The following KRT17 variants were observed in gnomAD, a reference collection of about 807,000 sequenced individuals.
KRT17 encodes keratin, type I cytoskeletal 17.
In KRT17, 29 loss-of-function variants were observed where a neutral mutation model predicts 45.6. The ratio of observed to expected loss-of-function variants is 0.64; its 90% confidence interval spans 0.47 to 0.87. The LOEUF (loss-of-function observed/expected upper bound fraction) is 0.87. Ranked by LOEUF, KRT17 falls within the 40% of genes least tolerant of loss-of-function variation. KRT17 has a pLI of 0.00. For synonymous variants in KRT17, 219 were observed against 234.6 expected, an observed-to-expected ratio of 0.93 and a Z score of 0.61; for missense variants, 536 against 577.8, an observed-to-expected ratio of 0.93 and a Z score of 0.74.
intron 3 of KRT17, 159 bp downstream of exon 3, chr17:41,622,196 G>A: frequency 1.1e-6 from 1 of 925,898 alleles, no homozygotes; most frequent in Non-Finnish European, 1.7e-6. Flanking sequence ...CTGCACACTG[G>A]ACCCCAAGGA....
In KRT17 at chr17:41,620,154, T is replaced by C. The variant is rs374988172; in HGVS notation, c.1204+382A>G. Reference sequence around the variant, plus strand: ...TGGAATTTGGAGGACAAGGACCATGTCCCTATCTCCCATCAGGCTACAGAC... The same window carrying C: ...TGGAATTTGGAGGACAAGGACCATGCCCCTATCTCCCATCAGGCTACAGAC... On this transcript the variant is annotated intron_variant, in intron 7 of 7. Coordinates refer to ENST00000311208, the MANE Select transcript of KRT17 (RefSeq NM_000422.3). 5 of 985,382 alleles carry C rather than the reference T, an allele frequency of 5.1e-6. No homozygotes were observed. The South Asian group carries it at 1.9e-4, about 37-fold the overall frequency. The allele number at this position is 985,382 out of a possible 1,614,324, so 61.0% of individuals were successfully genotyped here.
chr17:41,621,012 C>T lies in KRT17; in HGVS notation c.914G>A (p.Arg305His), dbSNP rs1426722207. The T allele has an allele frequency of 2.5e-6, 4 of 1,614,024 alleles. No individual in the cohort carries two copies. The highest frequency in any genetic ancestry group is 1.3e-5 in the African/African-American group (1 of 74,906). Residue 305 changes from arginine to histidine, a missense_variant, in exon 5 of 8, where the codon CGC (arginine) becomes CAC (histidine). Coordinates refer to ENST00000311208, the MANE Select transcript of KRT17 (RefSeq NM_000422.3). ...CTCTATCTCCAAGGCCTGCATGGTG[C>T]GCCGGAGCTCCGAGATCTCACTCTT... is the stretch of plus-strand genomic sequence containing the variant. ...SGKSEISELR[R>H]TMQALEIELQ... is the part of the protein sequence containing the mutation.
chr17:41,619,670 A>G lies in KRT17; in HGVS notation c.1223T>C (p.Val408Ala), dbSNP rs1261318850. The G allele has an allele frequency of 2.5e-6, 4 of 1,611,998 alleles. No individual in the cohort carries two copies. The Admixed American group carries it at 5.0e-5, about 20-fold the overall frequency. The change falls in exon 8 of 8, where the codon GTG becomes GCG. Residue 408 changes from valine (V) to alanine (A), a missense_variant. Val to Ala is a moderately conservative substitution (Grantham distance 64). Coordinates refer to ENST00000311208, the MANE Select transcript of KRT17 (RefSeq NM_000422.3). ...CTGGACCTCTTCCACAATGGTACGC[A>G]CCTGACGGGTGGTCACCGCTGCAGG... Reference protein sequence around the residue: ...YKKEPVTTRQVRTIVEEVQDG... With the variant: ...YKKEPVTTRQARTIVEEVQDG...
chr17:41,621,912 C>T, intron 3 of KRT17, 158 bp from the exon 4 acceptor site: 1 of 764,910 alleles, frequency 1.3e-6, no homozygotes, highest in Non-Finnish European at 2.2e-6. Flanking sequence ...TTCATCTGCT[C>T]AGTATTGCCT....
At position 41,620,832 on chromosome 17, in the gene KRT17, G is replaced by A. The variant is rs568147717; in HGVS notation, c.1008C>T (p.Cys336=). ...GNLAETENRY[C]VQLSQIQGLI... The stretch of plus-strand genomic sequence containing the variant: ...GCCCCTGGATCTGGGACAGCTGCAC[G>A]CAGTAGCGGTTCTCTGTCTCCGCCA... The change falls in exon 6 of 8, where the codon TGC becomes TGT. Residue 336 remains cysteine, a synonymous_variant. Transcript: ENST00000311208. 1.7e-5 allele frequency: 28 copies of A among 1,613,662 alleles called. No individual in the cohort carries two copies. Among genetic ancestry groups the A allele is most frequent in the Admixed American group, 6.7e-5 (4 of 60,024 alleles).
chr17:41,622,707 C>T (rs1334657380), intron 2 of KRT17, among the ~76,000 whole-genome samples, 196 bp from the exon 3 acceptor site: 1 of 152,250 alleles, frequency 6.6e-6, no homozygotes, highest in African/African-American at 2.4e-5. Context: ...AGCTTCCTTA[C>T]TTCTCTCTGC....
chr17:41,620,981 C>G lies in KRT17; in HGVS notation c.945G>C (p.Gln315His). 1.2e-6 allele frequency: 2 copies of G among 1,614,220 alleles called. No individual in the cohort carries two copies. The highest frequency in any genetic ancestry group is 1.7e-6 in the Non-Finnish European group (2 of 1,180,034). The change falls in exon 5 of 8, where the codon CAG (glutamine) becomes CAC (histidine). Residue 315 changes from glutamine to histidine, a missense_variant. Gln to His is a conservative substitution (Grantham distance 24). Coordinates refer to ENST00000311208, the MANE Select transcript of KRT17 (RefSeq NM_000422.3). ...CTGTTCCTACCATGCTGAGCTGGGACTGCAGCTCTATCTCCAAGGCCTGCA... is the reference window on the plus strand; with the variant it reads ...CTGTTCCTACCATGCTGAGCTGGGAGTGCAGCTCTATCTCCAAGGCCTGCA... ...RTMQALEIELQSQLSMKASLE... is the reference protein window; with the variant it reads ...RTMQALEIELHSQLSMKASLE...
chr17:41,623,098 G>A, intron 1 of KRT17, 66 bp from the exon 2 acceptor site: 1 of 1,229,590 alleles, frequency 8.1e-7, no homozygotes, highest in Non-Finnish European at 1.2e-6. Flanking sequence ...AGGGTTCTGA[G>A]CAGATCTTCC....
At chr17:41,623,256 C>T (rs970983067) in intron 1 of KRT17, 7 of 519,384 alleles carry the variant, frequency 1.3e-5, no homozygotes, top group African/African-American at 3.9e-5. Flanking sequence ...ATGGCAGGCT[C>T]GGCCTTAAAG....
intron 4 of KRT17, 71 bp downstream of exon 4, chr17:41,621,522 G>A: frequency 1.3e-6 from 2 of 1,589,272 alleles, no homozygotes; most frequent in Non-Finnish European, 1.7e-6. Context: ...CTGGCCGTGG[G>A]CTTACTGTCA....
In KRT17 at chr17:41,624,159, A is replaced by C; in HGVS notation, c.351T>G (p.Arg117=). ...CCGGGGCCTGCCTCTGGTACCAGTC[A>C]CGGATCTTCACCTCCAGCTCAGTGT... ...EANTELEVKI[R]DWYQRQAPGP... Residue 117 remains arginine, a synonymous_variant, in exon 1 of 8, where the codon CGT becomes CGG. Coordinates refer to ENST00000311208, the MANE Select transcript of KRT17 (RefSeq NM_000422.3). 1 of 1,612,184 alleles carries C rather than the reference A, an allele frequency of 6.2e-7. No homozygotes were observed. The highest frequency in any genetic ancestry group is 8.5e-7 in the Non-Finnish European group (1 of 1,179,940).
intron 2 of KRT17, 28 bp from the exon 3 acceptor site, chr17:41,622,539 C>T (rs376334680): frequency 2.4e-4 from 393 of 1,612,446 alleles, no homozygotes; most frequent in Non-Finnish European, 3.2e-4. Flanking sequence ...GACTTCAGCC[C>T]AGGCTGCTTG....
intron 1 of KRT17, 109 bp downstream of exon 1, chr17:41,623,969 C>A: frequency 1.3e-6 from 2 of 1,525,270 alleles, no homozygotes; most frequent in Non-Finnish European, 1.8e-6. Context: ...AGCCAAACCA[C>A]CCTTGGCTCC....
chr17:41,622,060 G>C, intron 3 of KRT17: 1 of 594,018 alleles, frequency 1.7e-6, no homozygotes, highest in East Asian at 2.9e-5. Flanking sequence ...GTTTGAAATG[G>C]GACAAGATTT....
Position 41,620,772 on chromosome 17 carries a change from A to G in KRT17, c.1068T>C (p.Leu356=). 1.9e-6 allele frequency: 3 copies of G among 1,612,812 alleles called. No homozygotes were observed. In the South Asian group the frequency reaches 3.3e-5, roughly 18 times the overall value. ...GGTTCTGCTGCTCCATCTCGCAGCG[A>G]AGCTGGGCCAGCTGCTCCTCCACGC... ...IGSVEEQLAQ[L]RCEMEQQNQE... The change falls in exon 6 of 8, where the codon CTT becomes CTC. Residue 356 remains leucine (L), a synonymous_variant. Transcript: ENST00000311208.
Position 41,619,639 on chromosome 17 carries a change from G to T in KRT17, c.1254C>A (p.Gly418=). The T allele has an allele frequency of 6.2e-7, 1 of 1,612,182 alleles. No homozygotes were observed. The highest frequency in any genetic ancestry group is 8.5e-7 in the Non-Finnish European group (1 of 1,180,006). ...CCTGCTCGCGGGAGGAGATGACCTT[G>T]CCATCCTGGACCTCTTCCACAATGG... ...VRTIVEEVQD[G]KVISSREQVH... The change falls in exon 8 of 8, where the codon GGC becomes GGA. Residue 418 remains glycine, a synonymous_variant. Coordinates refer to ENST00000311208, the MANE Select transcript of KRT17 (RefSeq NM_000422.3).
In KRT17 at chr17:41,624,385, A is replaced by C; in HGVS notation, c.125T>G (p.Leu42Arg). The C allele has an allele frequency of 6.2e-7, 1 of 1,610,688 alleles. No homozygotes were observed. The highest frequency in any genetic ancestry group is 8.5e-7 in the Non-Finnish European group (1 of 1,179,612). ...GCTGCCCAGGCCGCCAGCAGATCCC[A>C]GCCTGCAGGAGCCGGCACCCAGGCC... Reference protein sequence around the residue: ...SGGLGAGSCRLGSAGGLGSTL... With the variant: ...SGGLGAGSCRRGSAGGLGSTL... The change falls in exon 1 of 8, where the codon CTG becomes CGG. Residue 42 changes from leucine to arginine, a missense_variant. Physicochemically the swap from Leu to Arg is moderately radical, Grantham distance 102. Coordinates refer to ENST00000311208, the MANE Select transcript of KRT17 (RefSeq NM_000422.3).
At chr17:41,620,628 C>A in intron 6 of KRT17, 31 bp downstream of exon 6, 1 of 1,611,882 alleles carries the variant, frequency 6.2e-7, no homozygotes. Context: ...CCAAGAGACC[C>A]CCAGCCCTGA....
At chr17:41,619,892 G>A in intron 7 of KRT17, 2 of 985,360 alleles carry the variant, frequency 2.0e-6, no homozygotes, top group African/African-American at 1.7e-5. Flanking sequence ...CTCTGCCGGT[G>A]GCCCTGTGTG....
Sources: gnomAD v4.1 joint callset for allele counts (sites outside exome capture counted in the v4.1 genomes callset) on GRCh38, gnomAD v4.1.1 for gene constraint, MANE v1.5 for transcripts, NCBI Gene and HGNC (gene_info 2026-07-23, HGNC 2026-07-21) for gene names.